The following SORD variants were observed in gnomAD, a reference collection of about 807,000 sequenced individuals.
SORD encodes the protein (R,R)-butanediol dehydrogenase.
In SORD, 18 loss-of-function variants were observed where a neutral mutation model predicts 35.6. That is an observed-to-expected ratio of 0.51 (90% CI 0.35 to 0.75). The LOEUF (loss-of-function observed/expected upper bound fraction) is 0.75, where lower values mean the gene tolerates loss of function less well. Among genes scored for constraint, SORD ranks in the 30% least tolerant of loss-of-function variants. The probability of loss-of-function intolerance (pLI) is 0.01; values close to 1 mark genes in which losing one functional copy is unlikely to be tolerated. For synonymous variants in SORD, 106 were observed against 152.9 expected (o/e 0.69, Z 2.26); for missense variants, 250 against 390.2 (o/e 0.64, Z 3.03).
intron 5 of SORD, among the ~76,000 whole-genome samples, chr15:45,066,677 G>A (rs9972313): frequency 0.052 from 7,987 of 152,230 alleles, 730 homozygotes; most frequent in African/African-American, 0.18. Flanking sequence ...CAGACAGTAC[G>A]CTCACGCTCC....
In SORD at chr15:45,058,874, A is replaced by G. The variant is rs571269453; in HGVS notation, c.266-2193A>G. Among the ~76,000 whole-genome samples, 14 of 152,270 alleles carry G rather than the reference A, an allele frequency of 9.2e-5. No homozygotes were observed. The Middle Eastern group carries it at 0.01, about 111-fold the overall frequency. ...TAGCTTCCCTTATTTGTGCAGCTGC[A>G]AGCATGTATTAGGCAAGCACAGAGT... On this transcript the variant is annotated intron_variant, in intron 3 of 8. Transcript: ENST00000267814.
intron 1 of SORD, among the ~76,000 whole-genome samples, chr15:45,039,850 C>T (rs1014662571): frequency 2.6e-5 from 4 of 152,168 alleles, no homozygotes; most frequent in African/African-American, 9.7e-5. Flanking sequence ...GTTTGTCAGA[C>T]CAAACAAATC....
At position 45,069,017 on chromosome 15, in the gene SORD, A is replaced by G; in HGVS notation, c.751A>G (p.Thr251Ala). Residue 251 changes from threonine (T) to alanine (A), a missense_variant, in exon 7 of 9, where the codon ACG becomes GCG. This residue lies in a region of SORD where 44 missense variants were observed against 54.5 expected (regional missense o/e 0.81). Transcript: ENST00000267814. ...GCKPEVTIEC[T>A]GAEASIQAGI... ...CAAGCCGGAAGTCACCATCGAGTGC[A>G]CGGGGGCAGAGGCCTCCATCCAGGC... 3 of 1,611,692 alleles carry G rather than the reference A, an allele frequency of 1.9e-6. No individual in the cohort carries two copies. Among genetic ancestry groups the G allele is most frequent in the East Asian group, 2.2e-5 (1 of 44,818 alleles).
Position 45,053,891 on chromosome 15 carries a change from G to C in SORD, c.266-7176G>C, listed in dbSNP as rs1227409583. On this transcript the variant is annotated intron_variant, in intron 3 of 8. Transcript: ENST00000267814. Reference sequence around the variant, plus strand: ...TTCCCATCTATGAGTGAGAACATGCGGTGTTTGGTTTTTTGTCCTTGCGAT... The same window carrying C: ...TTCCCATCTATGAGTGAGAACATGCCGTGTTTGGTTTTTTGTCCTTGCGAT... Among the ~76,000 whole-genome samples, 4 of 137,718 alleles carry C rather than the reference G, an allele frequency of 2.9e-5. No individual in the cohort carries two copies. In the Admixed American group the frequency reaches 3.0e-4, roughly 10 times the overall value. 90.3% of individuals were successfully genotyped at this position (137,718 alleles called of 152,430 possible).
At chr15:45,055,077 C>T (rs1398895114) in intron 3 of SORD, among the ~76,000 whole-genome samples, 4 of 151,912 alleles carry the variant, frequency 2.6e-5, no homozygotes, top group African/African-American at 7.3e-5. Context: ...AGTCAGGTAG[C>T]GTGATGCCTC....
intron 1 of SORD, among the ~76,000 whole-genome samples, chr15:45,029,927 G>C (rs532151095): frequency 6.6e-6 from 1 of 152,252 alleles, no homozygotes; most frequent in African/African-American, 2.4e-5. Context: ...GATAGGAAGT[G>C]CGTATTGATG....
intron 1 of SORD, among the ~76,000 whole-genome samples, chr15:45,023,899 C>A (rs1892629510): frequency 1.3e-5 from 2 of 152,182 alleles, no homozygotes; most frequent in African/African-American, 2.4e-5. Context: ...CCAGTCTAGG[C>A]CTCCATCTCC....
At position 45,023,247 on chromosome 15, in the gene SORD, C is replaced by A; in HGVS notation, c.-37C>A. The A allele has an allele frequency of 6.6e-7, 1 of 1,514,870 alleles. No homozygotes were observed. The highest frequency in any genetic ancestry group is 8.8e-7 in the Non-Finnish European group (1 of 1,130,422). The allele number at this position is 1,514,870 out of a possible 1,614,324, so 93.8% of individuals were successfully genotyped here. On this transcript the variant is annotated 5_prime_UTR_variant, in exon 1 of 9. Transcript: ENST00000267814. Reference sequence around the variant, plus strand: ...GCCACCAGAGCGACCAAACGTCCCGCGCCTTCCAGGCCGCACTCCAGAGCC... The same window carrying A: ...GCCACCAGAGCGACCAAACGTCCCGAGCCTTCCAGGCCGCACTCCAGAGCC...
chr15:45,038,122 TCCTC>T (rs1165829694), intron 1 of SORD, among the ~76,000 whole-genome samples: 1 of 144,016 alleles, frequency 6.9e-6, no homozygotes, highest in East Asian at 2.1e-4. Context: ...TTCCCTCGCA[TCCTC>T]CCTTCCTTCC....
intron 1 of SORD, among the ~76,000 whole-genome samples, chr15:45,038,126 C>CCCTTCCTTCCTTCTTTCCTT (rs1892899777): frequency 9.0e-5 from 11 of 122,244 alleles, no homozygotes; most frequent in African/African-American, 3.0e-4. Flanking sequence ...CTCGCATCCT[C>CCCTTCCTTCCTTCTTTCCTT]CCTTCCTTCC....
chr15:45,042,485 CTG>C (rs1207803745), intron 2 of SORD: 1 of 149,320 alleles, frequency 6.7e-6, no homozygotes, highest in Non-Finnish European at 1.5e-5. Flanking sequence ...GAGGGAGACT[CTG>C]TCTAAAAATA....
At chr15:45,029,643 G>A (rs1366532658) in intron 1 of SORD, among the ~76,000 whole-genome samples, 1 of 152,284 alleles carries the variant, frequency 6.6e-6, no homozygotes, top group Non-Finnish European at 1.5e-5. Context: ...CTGGTGAGGG[G>A]CAAAGGGCCA....
intron 1 of SORD, among the ~76,000 whole-genome samples, chr15:45,027,303 T>C (rs935698464): frequency 2.6e-5 from 4 of 152,262 alleles, no homozygotes; most frequent in African/African-American, 9.6e-5. Context: ...CAAACCAGGC[T>C]GGGGAGCCAG....
At chr15:45,039,606 G>C (rs1203790963) in intron 1 of SORD, among the ~76,000 whole-genome samples, 1 of 152,214 alleles carries the variant, frequency 6.6e-6, no homozygotes, top group Non-Finnish European at 1.5e-5. Context: ...GTGAACACCA[G>C]AATAGCTCAG....
chr15:45,061,323 A>T lies in SORD; in HGVS notation c.425+97A>T, dbSNP rs372279140. Reference sequence around the variant, plus strand: ...GTTATTTCTTTATTCTTTTCAGCTCATAATTCCAAACATGAGGCATCACCT... The same window carrying T: ...GTTATTTCTTTATTCTTTTCAGCTCTTAATTCCAAACATGAGGCATCACCT... On this transcript the variant is annotated intron_variant, in intron 4 of 8. Coordinates refer to ENST00000267814, the MANE Select transcript of SORD (RefSeq NM_003104.6). The T allele has an allele frequency of 1.5e-5, 20 of 1,362,622 alleles. No individual in the cohort carries two copies. The South Asian group carries it at 2.6e-4, about 18-fold the overall frequency. 84.4% of individuals were successfully genotyped at this position (1,362,622 alleles called of 1,614,324 possible).
chr15:45,068,102 T>C, intron 5 of SORD, 79 bp from the exon 6 acceptor site: 1 of 1,076,308 alleles, frequency 9.3e-7, no homozygotes, highest in East Asian at 2.4e-5. Context: ...AAAGATATGG[T>C]TCCTATCCAT....
intron 4 of SORD, among the ~76,000 whole-genome samples, chr15:45,061,817 C>T (rs564033163): frequency 3.9e-5 from 6 of 152,040 alleles, no homozygotes; most frequent in South Asian, 2.1e-4. Flanking sequence ...TGCAGTGAGC[C>T]GAGATGGCGC....
At chr15:45,038,534 G>C (rs541574942) in intron 1 of SORD, among the ~76,000 whole-genome samples, 48 of 152,254 alleles carry the variant, frequency 3.2e-4, no homozygotes, top group African/African-American at 1.1e-3. Flanking sequence ...GAAAGGGCTC[G>C]TAACTTGACA....
intron 4 of SORD, among the ~76,000 whole-genome samples, chr15:45,063,527 A>G (rs763729517): frequency 5.3e-5 from 8 of 152,148 alleles, no homozygotes; most frequent in Admixed American, 2.0e-4. Flanking sequence ...CTCCTTGTAC[A>G]TGCTTCTGCC....
Sources: allele counts gnomAD v4.1 joint callset (sites outside exome capture counted in the v4.1 genomes callset), GRCh38; gene constraint gnomAD v4.1.1; regional missense constraint gnomAD v4.1.1; transcripts MANE v1.5; gene names NCBI Gene and HGNC (gene_info 2026-07-23, HGNC 2026-07-21).